GANC: variants seen among roughly 807,000 people sequenced by gnomAD.
GANC encodes neutral alpha-glucosidase C.
In GANC, 117 loss-of-function variants were observed where a neutral mutation model predicts 124.2. The ratio of observed to expected loss-of-function variants is 0.94; its 90% CI spans 0.81 to 1.10. GANC has a LOEUF of 1.10. GANC is among the 50% of genes least tolerant of loss of function. The pLI, the probability that GANC is intolerant of heterozygous loss-of-function variation, is 0.00. For missense variants in GANC, 1,140 were observed against 1,095.0 expected, an observed-to-expected ratio of 1.04 and a Z score of -0.58; for synonymous variants, 377 against 376.8, an observed-to-expected ratio of 1.00 and a Z score of -0.01.
intron 11 of GANC, 40 bp from the exon 12 acceptor site, chr15:42,326,258 A>C (rs200165045): frequency 6.9e-7 from 1 of 1,445,684 alleles, no homozygotes; most frequent in East Asian, 2.3e-5. Context: ...TTTGTCTTAC[A>C]TAAAACTGAT....
chr15:42,339,818 C>T lies in GANC; in HGVS notation c.1993C>T (p.Leu665Phe), dbSNP rs760901643. Residue 665 changes from leucine (L) to phenylalanine (F), a missense_variant, in exon 17 of 24, where the codon CTC (leucine) becomes TTC (phenylalanine). Coordinates refer to ENST00000318010, the MANE Select transcript of GANC (RefSeq NM_198141.3). ...GCTCTTTGGGGAGGAACACACCCGA[C>T]TCATCCGAGAAGCCATCAGAGAGCG... ...PWLFGEEHTRLIREAIRERYG... is the reference protein window; with the variant it reads ...PWLFGEEHTRFIREAIRERYG... 4.3e-6 allele frequency: 7 copies of T among 1,614,038 alleles called. No individual in the cohort carries two copies. Among genetic ancestry groups the T allele is most frequent in the Non-Finnish European group, 5.1e-6 (6 of 1,180,022 alleles).
At chr15:42,287,650 T>C (rs2051803373) in intron 3 of GANC, 41 bp from the exon 4 acceptor site, 3 of 1,587,212 alleles carry the variant, frequency 1.9e-6, no homozygotes, top group Non-Finnish European at 2.6e-6. Flanking sequence ...GGCCATCACT[T>C]GGGTAACCTG....
At chr15:42,306,330 A>G (rs2051995029) in intron 6 of GANC, among the ~76,000 whole-genome samples, 1 of 152,236 alleles carries the variant, frequency 6.6e-6, no homozygotes, top group Admixed American at 6.5e-5. Flanking sequence ...TAAAAAACAT[A>G]TTTATGTCAG....
At chr15:42,287,137 T>A (rs1335617994) in intron 3 of GANC, among the ~76,000 whole-genome samples, 2 of 152,234 alleles carry the variant, frequency 1.3e-5, no homozygotes, top group Non-Finnish European at 2.9e-5. Context: ...GGGTCTATTT[T>A]CCCAGCTGTG....
chr15:42,287,572 C>G, intron 3 of GANC, 119 bp from the exon 4 acceptor site: 1 of 997,906 alleles, frequency 1.0e-6, no homozygotes, highest in African/African-American at 1.7e-5. Flanking sequence ...TGCCATTGTT[C>G]TCCAATTTGC....
chr15:42,317,457 G>T (rs1162232682), intron 10 of GANC, among the ~76,000 whole-genome samples: 3 of 152,074 alleles, frequency 2.0e-5, no homozygotes, highest in African/African-American at 7.2e-5. Context: ...GTGATGTAAA[G>T]GTTTTAGAAA....
intron 4 of GANC, among the ~76,000 whole-genome samples, chr15:42,290,149 AT>A (rs1450848082): frequency 1.4e-4 from 21 of 152,212 alleles, no homozygotes; most frequent in Admixed American, 1.4e-3. Context: ...TTCTGTGGCA[AT>A]GTTACTTAAA....
intron 2 of GANC, 47 bp from the exon 3 acceptor site, chr15:42,278,435 G>T: frequency 1.6e-6 from 2 of 1,273,410 alleles, no homozygotes; most frequent in South Asian, 2.6e-5. Flanking sequence ...TTTGGATACT[G>T]ACAATCACAA....
At chr15:42,292,252 G>A (rs898229378) in intron 4 of GANC, among the ~76,000 whole-genome samples, 4 of 152,104 alleles carry the variant, frequency 2.6e-5, no homozygotes, top group Admixed American at 6.5e-5. Flanking sequence ...CAGTTTCTGA[G>A]TATGTGTTTG....
intron 2 of GANC, among the ~76,000 whole-genome samples, chr15:42,276,803 A>G (rs1289723419): frequency 1.3e-5 from 2 of 151,730 alleles, no homozygotes; most frequent in African/African-American, 2.4e-5. Flanking sequence ...TTATCCTTCC[A>G]GTATTTTTTT....
chr15:42,343,068 C>A lies in GANC; in HGVS notation c.2153-10C>A. ...ATGATACTCAACTTTATTTCCTCTC[C>A]ATTACTTAGGGAGTGCATTATTGGT... is the stretch of plus-strand genomic sequence containing the variant. On this transcript the variant is annotated splice_polypyrimidine_tract_variant and intron_variant, in intron 18 of 23. Transcript: ENST00000318010. 1 of 1,610,538 alleles carries A rather than the reference C, an allele frequency of 6.2e-7. No individual in the cohort carries two copies. Among genetic ancestry groups the A allele is most frequent in the Non-Finnish European group, 8.5e-7 (1 of 1,176,878 alleles).
At chr15:42,349,592 A>AT in intron 22 of GANC, 97 bp downstream of exon 22, 1 of 743,546 alleles carries the variant, frequency 1.3e-6, no homozygotes, top group Non-Finnish European at 2.4e-6. Context: ...TTAAGTTACT[A>AT]TTTAAAGAAA....
At chr15:42,278,343 T>TAAAGTACTATA in intron 2 of GANC, 139 bp from the exon 3 acceptor site, 1 of 531,326 alleles carries the variant, frequency 1.9e-6, no homozygotes, top group Non-Finnish European at 3.4e-6. Context: ...AGCACTTTAT[T>TAAAGTACTATA]ATAGTACTAA....
At position 42,352,414 on chromosome 15, in the gene GANC, A is replaced by G. The variant is rs564986799; in HGVS notation, c.*275A>G. The G allele has an allele frequency of 1.3e-4, 151 of 1,162,346 alleles. No homozygotes were observed. The highest frequency in any genetic ancestry group is 2.8e-4 in the African/African-American group (18 of 63,300). The allele number at this position is 1,162,346 out of a possible 1,614,324, so 72.0% of individuals were successfully genotyped here. On this transcript the variant is annotated 3_prime_UTR_variant, in exon 24 of 24. Transcript: ENST00000318010. ...CATTTATAGCGTTCAGGAGTCTTCT[A>G]TTGCTTCCATTCCTTCAGCAGGGCT...
At chr15:42,313,478 A>G (rs932514723) in intron 10 of GANC, among the ~76,000 whole-genome samples, 2 of 152,228 alleles carry the variant, frequency 1.3e-5, no homozygotes, top group Admixed American at 6.5e-5. Context: ...TGCAGATTGT[A>G]TATCTGATAT....
intron 10 of GANC, among the ~76,000 whole-genome samples, chr15:42,321,380 CTG>C (rs922092463): frequency 2.6e-5 from 4 of 152,158 alleles, no homozygotes; most frequent in African/African-American, 9.7e-5. Flanking sequence ...TTCCTTGCCT[CTG>C]TGTTTTTTCT....
intron 10 of GANC, among the ~76,000 whole-genome samples, chr15:42,317,655 A>G (rs1329389275): frequency 1.1e-5 from 1 of 88,492 alleles, no homozygotes; most frequent in Non-Finnish European, 2.3e-5. Context: ...TGGTACGTGA[A>G]TTCAGTAAAG....
chr15:42,287,968 C>T (rs1023328857), intron 4 of GANC, 150 bp downstream of exon 4: 3 of 720,800 alleles, frequency 4.2e-6, no homozygotes, highest in Non-Finnish European at 6.4e-6. Flanking sequence ...TGGTTTTTGC[C>T]ATTACTTTTA....
intron 12 of GANC, among the ~76,000 whole-genome samples, chr15:42,326,798 A>G (rs978142516): frequency 1.3e-5 from 2 of 152,196 alleles, no homozygotes; most frequent in Admixed American, 6.5e-5. Context: ...TTTAGCCCAT[A>G]GTTTTGACTT....
Sources: allele counts gnomAD v4.1 joint callset (sites outside exome capture counted in the v4.1 genomes callset), GRCh38; gene constraint gnomAD v4.1.1; transcripts MANE v1.5; gene names NCBI Gene and HGNC (gene_info 2026-07-23, HGNC 2026-07-21).